The following FRMPD4 variants were observed in gnomAD, a reference collection of about 807,000 sequenced individuals.
FRMPD4 encodes the protein FERM and PDZ domain containing 4, also known as FERM and PDZ domain-containing protein 4.
FRMPD4 carries 22 observed loss-of-function variants against 94.1 expected under a neutral mutation model. That is an observed-to-expected ratio of 0.23 (90% CI 0.17 to 0.33). The LOEUF (loss-of-function observed/expected upper bound fraction) is 0.33. Ranked by LOEUF, FRMPD4 falls within the 10% of genes least tolerant of loss-of-function variation. The pLI is 1.00. For synonymous variants in FRMPD4, 631 were observed against 548.6 expected (o/e 1.15, Z -2.10); for missense variants, 1,111 against 1,339.9 (o/e 0.83, Z 2.67).
intron 3 of FRMPD4, among the ~76,000 whole-genome samples, chrX:11,989,028 A>G: frequency 8.9e-6 from 1 of 112,406 alleles, no homozygotes; most frequent in South Asian, 3.7e-4. Flanking sequence ...TAATACAACC[A>G]TTATGGAGGA....
At chrX:12,625,931 T>TA (rs762528988) in intron 4 of FRMPD4, among the ~76,000 whole-genome samples, 227 of 111,773 alleles carry the variant, frequency 2.0e-3, no homozygotes, top group African/African-American at 7.0e-3. Context: ...TATGTATCAA[T>TA]AAAAAAAGTT....
At chrX:12,638,151 C>T (rs1175864108) in intron 4 of FRMPD4, among the ~76,000 whole-genome samples, 2 of 112,657 alleles carry the variant, frequency 1.8e-5, no homozygotes, top group Non-Finnish European at 3.7e-5. Context: ...TTTCACGTAA[C>T]TGTATATCTT....
chrX:12,234,218 C>T (rs1164292711), intron 1 of FRMPD4, among the ~76,000 whole-genome samples: 1 of 111,056 alleles, frequency 9.0e-6, no homozygotes, highest in African/African-American at 3.3e-5. Context: ...TCAAGCTCTA[C>T]AGAGGATGTT....
At chrX:11,903,028 A>T (rs750225906) in intron 3 of FRMPD4, among the ~76,000 whole-genome samples, 1 of 112,141 alleles carries the variant, frequency 8.9e-6, no homozygotes, top group Non-Finnish European at 1.9e-5. Context: ...GATAACTCCA[A>T]GGTTTTTGAA....
chrX:12,267,634 A>G (rs1446229961), intron 1 of FRMPD4, among the ~76,000 whole-genome samples: 2 of 112,856 alleles, frequency 1.8e-5, no homozygotes, highest in African/African-American at 6.4e-5. Flanking sequence ...GGAGTCTACC[A>G]TAGCTTTTTG....
rs940360052 is a variant in FRMPD4 at position 12,702,001 on chromosome X, A to G, written c.1061A>G (p.Lys354Arg). The change falls in exon 10 of 17, where the codon AAA becomes AGA. Residue 354 changes from lysine to arginine, a missense_variant. Around this residue, in one of 8 missense-constraint regions of FRMPD4, gnomAD observed 111 missense variants for 160.7 expected, o/e 0.69. Transcript: ENST00000675598. Reference sequence around the variant, plus strand: ...AAGCAAACGCAGAAAATCTCCCTCAAATACATCGAGTAAGTGTTGACTCTC... The same window carrying G: ...AAGCAAACGCAGAAAATCTCCCTCAGATACATCGAGTAAGTGTTGACTCTC... ...TTKQTQKISL[K>R]YIEKEWGLET... The G allele has an allele frequency of 2.1e-5, 26 of 1,209,406 alleles. No homozygotes were observed. Among genetic ancestry groups the G allele is most frequent in the Non-Finnish European group, 2.7e-5 (24 of 893,780 alleles).
intron 3 of FRMPD4, among the ~76,000 whole-genome samples, chrX:12,017,719 A>G (rs2054611437): frequency 8.9e-6 from 1 of 112,078 alleles, no homozygotes; most frequent in Non-Finnish European, 1.9e-5. Flanking sequence ...TTCAAATTCA[A>G]ATCTTGGGGT....
At chrX:12,100,448 A>G (rs1349853240) in intron 3 of FRMPD4, among the ~76,000 whole-genome samples, 1 of 111,145 alleles carries the variant, frequency 9.0e-6, no homozygotes, top group African/African-American at 3.3e-5. Flanking sequence ...TGATAACAAT[A>G]TAAATACCAC....
chrX:12,694,048 C>T (rs748621822), intron 8 of FRMPD4, among the ~76,000 whole-genome samples: 12 of 111,431 alleles, frequency 1.1e-4, no homozygotes, highest in African/African-American at 3.6e-4. Context: ...GCTTGGCTTC[C>T]TCTTCTTTCC....
intron 1 of FRMPD4, among the ~76,000 whole-genome samples, chrX:12,246,685 G>A (rs1450520923): frequency 3.8e-5 from 4 of 106,236 alleles, no homozygotes; most frequent in East Asian, 3.0e-4. Flanking sequence ...TTTTTCTACT[G>A]ATGAGAAATA....
At chrX:12,324,493 A>G in intron 1 of FRMPD4, among the ~76,000 whole-genome samples, 1 of 112,142 alleles carries the variant, frequency 8.9e-6, no homozygotes, top group Non-Finnish European at 1.9e-5. Flanking sequence ...TTGTTTATTA[A>G]TTGTTTTCAA....
At chrX:12,112,181 A>T (rs181847632) in intron 3 of FRMPD4, among the ~76,000 whole-genome samples, 1,849 of 111,939 alleles carry the variant, frequency 0.017, 13 homozygotes, top group Non-Finnish European at 0.022. Context: ...TGTCCATCAA[A>T]GATAGACTGG....
intron 3 of FRMPD4, among the ~76,000 whole-genome samples, chrX:11,894,215 C>T (rs1444437339): frequency 8.9e-6 from 1 of 111,930 alleles, no homozygotes; most frequent in Non-Finnish European, 1.9e-5. Context: ...ATTTAGTATA[C>T]ATATTGTCTG....
intron 1 of FRMPD4, among the ~76,000 whole-genome samples, chrX:12,482,604 G>C (rs1007290910): frequency 3.6e-5 from 4 of 111,988 alleles, no homozygotes; most frequent in African/African-American, 1.3e-4. Flanking sequence ...CAAGGGTATA[G>C]AAGAGCACAG....
intron 2 of FRMPD4, among the ~76,000 whole-genome samples, chrX:12,545,172 G>A (rs1435568309): frequency 4.5e-5 from 5 of 111,776 alleles, no homozygotes; most frequent in African/African-American, 1.3e-4. Context: ...TGTCCAACCC[G>A]CCACCCGTGG....
At chrX:12,123,706 A>G (rs2055476096) in intron 3 of FRMPD4, among the ~76,000 whole-genome samples, 1 of 111,651 alleles carries the variant, frequency 9.0e-6, no homozygotes, top group African/African-American at 3.3e-5. Flanking sequence ...TCTACCAATT[A>G]GAGTCCAGTA....
At chrX:12,168,620 C>CT (rs1324759903) in intron 1 of FRMPD4, among the ~76,000 whole-genome samples, 296 of 85,656 alleles carry the variant, frequency 3.5e-3, no homozygotes, top group African/African-American at 0.012. Flanking sequence ...AAGACACTGA[C>CT]CCTTTTTTTT....
At chrX:12,337,261 G>A (rs2055542171) in intron 1 of FRMPD4, among the ~76,000 whole-genome samples, 1 of 111,742 alleles carries the variant, frequency 8.9e-6, no homozygotes, top group African/African-American at 3.3e-5. Flanking sequence ...TTATTCATTA[G>A]CTCAATATTT....
chrX:12,578,281 G>A (rs1486450073), intron 2 of FRMPD4, among the ~76,000 whole-genome samples: 2 of 112,793 alleles, frequency 1.8e-5, no homozygotes, highest in Non-Finnish European at 3.7e-5. Context: ...TGGCAGCAGA[G>A]AGTAGGACTG....
Sources: gnomAD v4.1 joint callset for allele counts (sites outside exome capture counted in the v4.1 genomes callset) on GRCh38, gnomAD v4.1.1 for gene constraint, gnomAD v4.1.1 regional missense constraint, MANE v1.5 for transcripts, NCBI Gene and HGNC (gene_info 2026-07-23, HGNC 2026-07-21) for gene names.